HMGCLL1: variants seen among roughly 807,000 people sequenced by gnomAD.
HMGCLL1 encodes the protein 3-hydroxy-3-methylglutaryl-CoA lyase like 1, also known as 3-hydroxymethyl-3-methylglutaryl-CoA lyase, cytoplasmic.
In HMGCLL1, 36 loss-of-function variants were observed where a neutral mutation model predicts 39.1. The observed-to-expected ratio is 0.92, with a 90% CI of 0.71 to 1.22. The LOEUF is 1.22. Ranked by LOEUF, HMGCLL1 falls within the 50% of genes most tolerant of loss-of-function variation. The probability of loss-of-function intolerance (pLI) is 0.00; values close to 1 mark genes in which losing one functional copy is unlikely to be tolerated. For missense variants in HMGCLL1, 451 were observed against 416.5 expected (o/e 1.08, Z -0.72); for synonymous variants, 149 against 144.0 (o/e 1.03, Z -0.25).
At chr6:55,509,573 T>C (rs1164358759) in intron 5 of HMGCLL1, among the ~76,000 whole-genome samples, 1 of 151,872 alleles carries the variant, frequency 6.6e-6, no homozygotes, top group Non-Finnish European at 1.5e-5. Context: ...ATGTGTGTAG[T>C]TATAAATTAT....
chr6:55,550,822 G>C (rs1770286423), intron 1 of HMGCLL1, among the ~76,000 whole-genome samples: 1 of 151,554 alleles, frequency 6.6e-6, no homozygotes, highest in African/African-American at 2.4e-5. Context: ...CAAAATTGCT[G>C]GGCACTACTG....
intron 7 of HMGCLL1, among the ~76,000 whole-genome samples, chr6:55,472,476 T>C (rs1187792465): frequency 6.6e-6 from 1 of 151,648 alleles, no homozygotes; most frequent in Non-Finnish European, 1.5e-5. Flanking sequence ...TGTTAATATT[T>C]ATTTTATCAT....
intron 5 of HMGCLL1, among the ~76,000 whole-genome samples, chr6:55,508,336 C>T (rs532193377): frequency 6.6e-6 from 1 of 151,778 alleles, no homozygotes; most frequent in Non-Finnish European, 1.5e-5. Flanking sequence ...TCCCTAATTA[C>T]ATTTTTAAAA....
chr6:55,595,216 T>C, the HMGCLL1 span, among the ~76,000 whole-genome samples: 4 of 152,328 alleles, frequency 2.6e-5, no homozygotes, highest in East Asian at 7.7e-4. Flanking sequence ...ATGAAGACTA[T>C]GTACAGAGAC....
chr6:55,447,025 T>A (rs1263693646), intron 7 of HMGCLL1, among the ~76,000 whole-genome samples: 1 of 151,968 alleles, frequency 6.6e-6, no homozygotes, highest in African/African-American at 2.4e-5. Flanking sequence ...TAGAATAAAA[T>A]ATCAAAATAT....
chr6:55,628,497 T>C, the HMGCLL1 span, among the ~76,000 whole-genome samples: 1 of 151,024 alleles, frequency 6.6e-6, no homozygotes. Flanking sequence ...AGAGATGGGG[T>C]TTTGCCATGT....
intron 7 of HMGCLL1, among the ~76,000 whole-genome samples, chr6:55,480,792 A>C (rs1264602533): frequency 1.3e-5 from 2 of 152,020 alleles, no homozygotes; most frequent in African/African-American, 4.8e-5. Context: ...ATGGAATACT[A>C]TTCAGCCATA....
At chr6:55,511,932 A>C (rs1391039258) in intron 5 of HMGCLL1, 1 of 152,094 alleles carries the variant, frequency 6.6e-6, no homozygotes, top group Non-Finnish European at 1.5e-5. Flanking sequence ...ATAATTCTAC[A>C]GTAAAGTCTC....
the HMGCLL1 span, among the ~76,000 whole-genome samples, chr6:55,650,110 T>TATATATATATATATACACACATATAC: frequency 3.0e-4 from 22 of 74,498 alleles, no homozygotes; most frequent in East Asian, 4.8e-3. Context: ...TATATATATA[T>TATATATATATATATACACACATATAC]ATATATATAT....
chr6:55,437,992 G>T (rs1364442781), intron 8 of HMGCLL1, among the ~76,000 whole-genome samples: 3 of 151,994 alleles, frequency 2.0e-5, no homozygotes, highest in African/African-American at 7.2e-5. Flanking sequence ...TTGAATTGTG[G>T]CAGCTACTCA....
At chr6:55,473,775 T>G (rs1272712541) in intron 7 of HMGCLL1, among the ~76,000 whole-genome samples, 1 of 151,494 alleles carries the variant, frequency 6.6e-6, no homozygotes, top group Non-Finnish European at 1.5e-5. Flanking sequence ...TCTTTTTAAG[T>G]TTCTAGTTGG....
At chr6:55,671,503 T>C in the HMGCLL1 span, among the ~76,000 whole-genome samples, 1 of 151,798 alleles carries the variant, frequency 6.6e-6, no homozygotes, top group Non-Finnish European at 1.5e-5. Flanking sequence ...GAAAGGACAA[T>C]ATGAAATTTT....
At chr6:55,554,720 C>T (rs879734491) in intron 1 of HMGCLL1, among the ~76,000 whole-genome samples, 2 of 152,162 alleles carry the variant, frequency 1.3e-5, no homozygotes, top group Non-Finnish European at 2.9e-5. Flanking sequence ...CTTTAGGCAC[C>T]ATGGCCAGGG....
intron 7 of HMGCLL1, among the ~76,000 whole-genome samples, chr6:55,445,641 G>A (rs1211174945): frequency 6.8e-6 from 1 of 147,928 alleles, no homozygotes; most frequent in South Asian, 2.2e-4. Context: ...TCAGACTCAG[G>A]TTTCTGGTGT....
intron 7 of HMGCLL1, among the ~76,000 whole-genome samples, chr6:55,476,819 A>G (rs973019612): frequency 1.3e-5 from 2 of 151,296 alleles, no homozygotes; most frequent in Non-Finnish European, 3.0e-5. Context: ...TTTTCTTGTA[A>G]TAATCTTGTA....
the HMGCLL1 span, among the ~76,000 whole-genome samples, chr6:55,675,363 A>G: frequency 6.6e-6 from 1 of 152,170 alleles, no homozygotes; most frequent in Non-Finnish European, 1.5e-5. Flanking sequence ...CATAAGAAGT[A>G]CTATTCAAAC....
intron 7 of HMGCLL1, among the ~76,000 whole-genome samples, chr6:55,478,774 G>C (rs1039609807): frequency 6.6e-6 from 1 of 151,300 alleles, no homozygotes; most frequent in Non-Finnish European, 1.5e-5. Context: ...TGGACAGCTT[G>C]TTGATCTAAT....
At chr6:55,656,432 GT>G in the HMGCLL1 span, among the ~76,000 whole-genome samples, 1 of 151,920 alleles carries the variant, frequency 6.6e-6, no homozygotes, top group Non-Finnish European at 1.5e-5. Flanking sequence ...CTCCCATGCA[GT>G]TATGTGGGGC....
Position 55,457,609 on chromosome 6 carries a change from CAG to C in HMGCLL1, c.796-18052_796-18051del, listed in dbSNP as rs1409560697. On this transcript the variant is annotated intron_variant, in intron 7 of 8. Transcript: ENST00000274901. ...TGGTTAATCTTGGGAAACACTGAAC[CAG>C]AGATTCCAACATCCTACTTTCTGTC... is the stretch of plus-strand genomic sequence containing the variant. 2.0e-5 allele frequency among the ~76,000 whole-genome samples: 3 copies of C among 152,066 alleles called. No individual in the cohort carries two copies. The East Asian group carries it at 5.8e-4, about 29-fold the overall frequency.
Sources: allele counts gnomAD v4.1 joint callset (sites outside exome capture counted in the v4.1 genomes callset), GRCh38; gene constraint gnomAD v4.1.1; transcripts MANE v1.5; gene names NCBI Gene and HGNC (gene_info 2026-07-23, HGNC 2026-07-21).